FHIT: variants seen among roughly 807,000 people sequenced by gnomAD.
The protein encoded by FHIT is bis(5'-adenosyl)-triphosphatase.
Under a neutral mutation model 17.9 loss-of-function variants are expected in FHIT, and 19 were observed. That is an observed-to-expected ratio of 1.06 (90% CI 0.74 to 1.56). FHIT has a LOEUF of 1.56. FHIT is among the 40% of genes most tolerant of loss of function. FHIT has a pLI of 0.00. For missense variants in FHIT, 248 were observed against 189.2 expected (o/e 1.31, Z -1.82); for synonymous variants, 81 against 69.7 (o/e 1.16, Z -0.81).
At chr3:59,829,238 C>T (rs1701081204) in intron 8 of FHIT, among the ~76,000 whole-genome samples, 1 of 152,162 alleles carries the variant, frequency 6.6e-6, no homozygotes, top group African/African-American at 2.4e-5. Flanking sequence ...GCCTTGGCCT[C>T]TGAAAACTTA....
intron 4 of FHIT, among the ~76,000 whole-genome samples, chr3:60,588,262 C>CA (rs2037969909): frequency 6.6e-6 from 1 of 152,046 alleles, no homozygotes; most frequent in South Asian, 2.1e-4. Flanking sequence ...TCCCTATATC[C>CA]ACTAAAGATC....
chr3:60,566,087 A>G (rs901584743), intron 4 of FHIT, among the ~76,000 whole-genome samples: 5 of 152,146 alleles, frequency 3.3e-5, no homozygotes, highest in Non-Finnish European at 7.3e-5. Flanking sequence ...GAGTTTCTTA[A>G]TCCTGAATTC....
At chr3:59,775,329 G>A (rs137936420) in intron 8 of FHIT, among the ~76,000 whole-genome samples, 80 of 152,214 alleles carry the variant, frequency 5.3e-4, no homozygotes, top group African/African-American at 1.8e-3. Context: ...TTCCTTACCC[G>A]CCTGTAGTGA....
intron 5 of FHIT, among the ~76,000 whole-genome samples, chr3:60,322,515 G>C (rs1055904050): frequency 6.6e-6 from 1 of 152,202 alleles, no homozygotes; most frequent in African/African-American, 2.4e-5. Flanking sequence ...AAGGTCCAGA[G>C]AGATTCACTG....
intron 7 of FHIT, among the ~76,000 whole-genome samples, chr3:59,962,844 G>C (rs11920657): frequency 0.038 from 5,845 of 152,208 alleles, 367 homozygotes; most frequent in African/African-American, 0.13. Context: ...AATAATAATA[G>C]AACAACTGAA....
intron 3 of FHIT, among the ~76,000 whole-genome samples, chr3:61,019,196 T>G (rs1214657334): frequency 6.6e-6 from 1 of 152,220 alleles, no homozygotes; most frequent in South Asian, 2.1e-4. Flanking sequence ...TACCTCATAT[T>G]TATATGTATG....
At chr3:59,974,479 T>C (rs888804335) in intron 7 of FHIT, among the ~76,000 whole-genome samples, 1 of 152,154 alleles carries the variant, frequency 6.6e-6, no homozygotes. Flanking sequence ...CCAGTGTCTA[T>C]AAAACACCTT....
Position 60,498,053 on chromosome 3 carries a change from G to A in FHIT, c.103+38807C>T, listed in dbSNP as rs140059532. 6.4e-3 allele frequency among the ~76,000 whole-genome samples: 975 copies of A among 152,270 alleles called. 16 individuals are homozygous for A. Among genetic ancestry groups the A allele is most frequent in the African/African-American group, 0.023 (938 of 41,544 alleles). On this transcript the variant is annotated intron_variant, in intron 5 of 9. Transcript: ENST00000492590. ...ACTGTAACACAAAAACAGCCATAGA[G>A]GATACATAAAGGAACAAATGTGGCT...
intron 5 of FHIT, among the ~76,000 whole-genome samples, chr3:60,461,488 T>C (rs1009841341): frequency 1.8e-4 from 27 of 152,260 alleles, no homozygotes; most frequent in African/African-American, 6.3e-4. Context: ...TTAAAATCCT[T>C]TTTCTTTAAG....
At position 59,845,660 on chromosome 3, in the gene FHIT, T is replaced by C. The variant is rs529866539; in HGVS notation, c.348+76686A>G. Among the ~76,000 whole-genome samples, 5 of 152,264 alleles carry C rather than the reference T, an allele frequency of 3.3e-5. No individual in the cohort carries two copies. In the South Asian group the frequency reaches 8.3e-4, roughly 25 times the overall value. On this transcript the variant is annotated intron_variant, in intron 8 of 9. Coordinates refer to ENST00000492590, the MANE Select transcript of FHIT (RefSeq NM_002012.4). ...AAGACACTCTGTACAATGTCTGTCT[T>C]TTAAAATTTACTGAGACTTCATTTG...
At chr3:61,234,749 C>T (rs1236451015) in intron 1 of FHIT, among the ~76,000 whole-genome samples, 1 of 152,116 alleles carries the variant, frequency 6.6e-6, no homozygotes, top group African/African-American at 2.4e-5. Flanking sequence ...ATTCTGGGCC[C>T]TCCGACCAAG....
At chr3:60,483,136 T>G (rs146844253) in intron 5 of FHIT, among the ~76,000 whole-genome samples, 10 of 151,470 alleles carry the variant, frequency 6.6e-5, no homozygotes, top group Non-Finnish European at 1.5e-4. Context: ...CAGGAAGGAG[T>G]TGAATCCTTG....
chr3:61,204,874 G>A (rs941965933), intron 1 of FHIT, among the ~76,000 whole-genome samples: 5 of 152,038 alleles, frequency 3.3e-5, no homozygotes, highest in Non-Finnish European at 7.4e-5. Flanking sequence ...TGCACAACGT[G>A]CAAGTTTGTT....
chr3:59,986,862 A>C (rs183237778), intron 7 of FHIT, among the ~76,000 whole-genome samples: 11,370 of 103,564 alleles, frequency 0.11, 904 homozygotes, highest in South Asian at 0.19. Context: ...GATTTACTAT[A>C]GAAAAATATT....
chr3:59,884,874 A>G (rs564291986), intron 8 of FHIT, among the ~76,000 whole-genome samples: 1 of 152,346 alleles, frequency 6.6e-6, no homozygotes, highest in South Asian at 2.1e-4. Flanking sequence ...TGTATGTCTC[A>G]ATAATGTTAA....
chr3:61,011,952 A>G (rs1400768970), intron 3 of FHIT, among the ~76,000 whole-genome samples: 10 of 152,186 alleles, frequency 6.6e-5, no homozygotes, highest in Non-Finnish European at 1.5e-4. Context: ...TGAAAACCCA[A>G]GTTGAAAGAA....
chr3:60,081,148 C>T (rs1313549180), intron 5 of FHIT, among the ~76,000 whole-genome samples: 1 of 152,066 alleles, frequency 6.6e-6, no homozygotes, highest in Non-Finnish European at 1.5e-5. Flanking sequence ...CAGGAATGTT[C>T]CCATTAGAAT....
intron 5 of FHIT, among the ~76,000 whole-genome samples, chr3:60,402,356 T>C (rs1162393896): frequency 2.0e-5 from 3 of 152,206 alleles, no homozygotes; most frequent in Non-Finnish European, 4.4e-5. Flanking sequence ...ATCAACAGTC[T>C]GGTTGGATTC....
At chr3:60,386,093 C>A (rs1230764093) in intron 5 of FHIT, among the ~76,000 whole-genome samples, 1 of 152,094 alleles carries the variant, frequency 6.6e-6, no homozygotes, top group Non-Finnish European at 1.5e-5. Flanking sequence ...GTAACTTGGC[C>A]AGAGCTGCAG....
Sources: allele counts gnomAD v4.1 joint callset (sites outside exome capture counted in the v4.1 genomes callset), GRCh38; gene constraint gnomAD v4.1.1; transcripts MANE v1.5; gene names NCBI Gene and HGNC (gene_info 2026-07-23, HGNC 2026-07-21).